YEATS2: variants seen among roughly 807,000 people sequenced by gnomAD.
YEATS2 encodes the protein YEATS domain containing 2.
Under a neutral mutation model 163.2 loss-of-function variants are expected in YEATS2, and 77 were observed. That is an observed-to-expected ratio of 0.47 (90% CI 0.39 to 0.57). The LOEUF (loss-of-function observed/expected upper bound fraction) is 0.57, where lower values mean the gene tolerates loss of function less well. YEATS2 is among the 20% of genes least tolerant of loss of function. The probability of loss-of-function intolerance (pLI) is 0.00; values close to 1 mark genes in which losing one functional copy is unlikely to be tolerated. For synonymous variants in YEATS2, 631 were observed against 645.1 expected (o/e 0.98, Z 0.33); for missense variants, 1,549 against 1,729.8 (o/e 0.90, Z 1.85).
At chr3:183,764,121 C>T (rs969312304) in intron 15 of YEATS2, among the ~76,000 whole-genome samples, 3 of 152,024 alleles carry the variant, frequency 2.0e-5, no homozygotes, top group East Asian at 1.9e-4. Flanking sequence ...CCCGTAATCC[C>T]AGCACTTTGA....
At chr3:183,756,828 C>CCAAT in intron 12 of YEATS2, 139 bp downstream of exon 12, 1 of 763,256 alleles carries the variant, frequency 1.3e-6, no homozygotes, top group Non-Finnish European at 1.8e-6. Context: ...AAAAGGAAAG[C>CCAAT]CAATACTCTT....
chr3:183,791,725 C>G (rs547421448), intron 21 of YEATS2, among the ~76,000 whole-genome samples: 1 of 152,230 alleles, frequency 6.6e-6, no homozygotes, highest in South Asian at 2.1e-4. Flanking sequence ...GACTCCAAGT[C>G]ATAATTTTTA....
Position 183,754,279 on chromosome 3 carries a change from A to G in YEATS2, c.1304A>G (p.Lys435Arg), listed in dbSNP as rs1720489500. The G allele has an allele frequency of 5.0e-6, 8 of 1,614,078 alleles. No individual in the cohort carries two copies. Among genetic ancestry groups the G allele is most frequent in the South Asian group, 1.1e-5 (1 of 91,080 alleles). Residue 435 changes from lysine to arginine, a missense_variant, in exon 11 of 31, where the codon AAA becomes AGA. Physicochemically the swap from Lys to Arg is conservative, Grantham distance 26 (BLOSUM62 2). Transcript: ENST00000305135. ...TTCCAGCCAATAGCATCAAGCTGCA[A>G]AATTGTTCCACAAAGTCAGGTTCCT... ...SAFQPIASSC[K>R]IVPQSQVPNP...
At chr3:183,786,622 C>T (rs1297761122) in intron 20 of YEATS2, among the ~76,000 whole-genome samples, 1 of 152,138 alleles carries the variant, frequency 6.6e-6, no homozygotes, top group African/African-American at 2.4e-5. Context: ...GACCTACTTT[C>T]TTTGGATTTG....
At chr3:183,748,982 G>A (rs551649887) in intron 9 of YEATS2, among the ~76,000 whole-genome samples, 7 of 151,696 alleles carry the variant, frequency 4.6e-5, no homozygotes, top group African/African-American at 1.5e-4. Flanking sequence ...TCACTCTGTC[G>A]CCCAGTCTGG....
chr3:183,747,311 A>G lies in YEATS2; in HGVS notation c.925-361A>G, dbSNP rs1369902418. On this transcript the variant is annotated intron_variant, in intron 8 of 30. Transcript: ENST00000305135. ...TGGCTGCATGATATTTCAGAGATTG[A>G]TGGTCCATGGTTTACTTACACATTC... Among the ~76,000 whole-genome samples, 8 of 152,292 alleles carry G rather than the reference A, an allele frequency of 5.3e-5. No individual in the cohort carries two copies. In the East Asian group the frequency reaches 1.4e-3, roughly 26 times the overall value.
intron 19 of YEATS2, among the ~76,000 whole-genome samples, chr3:183,785,799 GA>G (rs1466537129): frequency 1.3e-5 from 2 of 152,158 alleles, no homozygotes; most frequent in Admixed American, 1.3e-4. Flanking sequence ...CATGTTTAAA[GA>G]TTATACGTAC....
intron 19 of YEATS2, among the ~76,000 whole-genome samples, chr3:183,778,445 A>G (rs1269277665): frequency 1.3e-5 from 2 of 152,254 alleles, no homozygotes; most frequent in Non-Finnish European, 2.9e-5. Flanking sequence ...AAGATCCAGA[A>G]TGGGCCAGTT....
At chr3:183,758,124 A>G (rs975808098) in intron 12 of YEATS2, among the ~76,000 whole-genome samples, 4 of 152,150 alleles carry the variant, frequency 2.6e-5, no homozygotes, top group Admixed American at 6.6e-5. Context: ...TTGGGAGGCC[A>G]AGGTGGGCGG....
chr3:183,704,617 T>C (rs1714432754), intron 1 of YEATS2, among the ~76,000 whole-genome samples: 1 of 152,048 alleles, frequency 6.6e-6, no homozygotes, highest in South Asian at 2.1e-4. Context: ...TCTTACTGTA[T>C]GATTTACATT....
At chr3:183,723,069 C>T (rs1716703958) in intron 5 of YEATS2, among the ~76,000 whole-genome samples, 1 of 152,252 alleles carries the variant, frequency 6.6e-6, no homozygotes. Context: ...TGATCTTGCT[C>T]AAGGTCTTTC....
At position 183,803,237 on chromosome 3, in the gene YEATS2, C is replaced by CT. The variant is rs1415060081; in HGVS notation, c.3503-18dup. The CT allele has an allele frequency of 6.8e-6, 11 of 1,609,892 alleles. No homozygotes were observed. The highest frequency in any genetic ancestry group is 9.3e-6 in the Non-Finnish European group (11 of 1,179,140). ...TCGTAAGAGCTTTATTCAGGCTTTG[C>CT]TGGGTGTGTGCATTCTAGGTGAAGA... On this transcript the variant is annotated intron_variant, in intron 25 of 30. Coordinates refer to ENST00000305135, the MANE Select transcript of YEATS2 (RefSeq NM_018023.5).
At chr3:183,763,379 AGT>A (rs1721577261) in intron 15 of YEATS2, among the ~76,000 whole-genome samples, 1 of 152,246 alleles carries the variant, frequency 6.6e-6, no homozygotes. Flanking sequence ...GTAAAAATAC[AGT>A]GTTATAATCT....
chr3:183,713,505 G>A (rs1416736853), intron 1 of YEATS2, among the ~76,000 whole-genome samples: 2 of 152,192 alleles, frequency 1.3e-5, no homozygotes, highest in African/African-American at 4.8e-5. Context: ...GGAGGCTGCA[G>A]TGAGCCGAGA....
rs1722462151 is a variant in YEATS2, at chr3:183,771,542, C to CTTTTT, written c.1948-763_1948-762insTTTTT. Among the ~76,000 whole-genome samples the CTTTTT allele has an allele frequency of 1.7e-3, 105 of 60,806 alleles. 6 individuals are homozygous for CTTTTT. Among genetic ancestry groups the CTTTTT allele is most frequent in the African/African-American group, 6.9e-3 (71 of 10,298 alleles). 39.9% of individuals were successfully genotyped at this position (60,806 alleles called of 152,430 possible). On this transcript the variant is annotated intron_variant, in intron 15 of 30. Transcript: ENST00000305135. ...TTTTAATAGTTAAATATTATTCTTGCCTTTTTTTTTTTTTTTTTTTTTTCT... is the reference window on the plus strand; with the variant it reads ...TTTTAATAGTTAAATATTATTCTTGCTTTTTCTTTTTTTTTTTTTTTTTTTTTTCT...
intron 15 of YEATS2, 80 bp downstream of exon 15, chr3:183,762,359 T>A: frequency 6.8e-7 from 1 of 1,473,786 alleles, no homozygotes. Context: ...CTGAAAAGAT[T>A]CACGGTGACA....
chr3:183,719,920 CT>C (rs1472912351), intron 4 of YEATS2, among the ~76,000 whole-genome samples: 4 of 152,146 alleles, frequency 2.6e-5, no homozygotes, highest in Non-Finnish European at 5.9e-5. Flanking sequence ...ATGATCCTGA[CT>C]TTTCGGAGAA....
chr3:183,705,704 G>A (rs1378903921), intron 1 of YEATS2, among the ~76,000 whole-genome samples: 1 of 151,742 alleles, frequency 6.6e-6, no homozygotes, highest in African/African-American at 2.4e-5. Context: ...TAGTAGTTAT[G>A]TTCCCTGTGG....
chr3:183,706,715 C>G (rs923400303), intron 1 of YEATS2, among the ~76,000 whole-genome samples: 3 of 152,206 alleles, frequency 2.0e-5, no homozygotes, highest in African/African-American at 7.2e-5. Context: ...ACCCAGGAGG[C>G]TGAGGCAGGA....
Sources: gnomAD v4.1 joint callset for allele counts (sites outside exome capture counted in the v4.1 genomes callset) on GRCh38, gnomAD v4.1.1 for gene constraint, MANE v1.5 for transcripts, NCBI Gene and HGNC (gene_info 2026-07-23, HGNC 2026-07-21) for gene names.